Variants in IGFL3 observed in about 807,000 individuals in gnomAD.
IGFL3 encodes the protein insulin growth factor-like family member 3.
Under a neutral mutation model 17.0 loss-of-function variants are expected in IGFL3, and 12 were observed. The observed-to-expected ratio is 0.71, with a 90% CI of 0.45 to 1.14. The LOEUF is 1.14. IGFL3 is among the 50% of genes most tolerant of loss of function. The pLI, the probability that IGFL3 is intolerant of heterozygous loss-of-function variation, is 0.00. For missense variants in IGFL3, 153 were observed against 151.6 expected (o/e 1.01, Z -0.05); for synonymous variants, 52 against 57.4 (o/e 0.91, Z 0.42).
At chr19:46,124,362 T>C (rs1002694365) in intron 1 of IGFL3, 41 bp from the exon 2 acceptor site, 4 of 1,567,808 alleles carry the variant, frequency 2.6e-6, no homozygotes, top group African/African-American at 1.4e-5. Flanking sequence ...GAGCTGAGAA[T>C]GTGACAAGTA....
Position 46,124,288 on chromosome 19 carries a change from TGGA to T in IGFL3, c.56_58del (p.Leu19del), listed in dbSNP as rs759072036. The T allele has an allele frequency of 4.2e-5, 67 of 1,610,832 alleles. 6 individuals carry two copies. The African/African-American group carries it at 8.3e-4, about 20-fold the overall frequency. On this transcript the variant is annotated inframe_deletion, in exon 2 of 4. Coordinates refer to ENST00000341415, the MANE Select transcript of IGFL3 (RefSeq NM_207393.2). ...CTTACCTGTAGTTCCTTTTGAACAC[TGGA>T]GGAGGAAGACTGTTATCCAGCAGAC...
At position 46,124,332 on chromosome 19, in the gene IGFL3, A is replaced by G. The variant is rs767707719; in HGVS notation, c.26-11T>C. On this transcript the variant is annotated splice_polypyrimidine_tract_variant and intron_variant, in intron 1 of 3. Coordinates refer to ENST00000341415, the MANE Select transcript of IGFL3 (RefSeq NM_207393.2). ...TCCAGCAGACAAGAGCTAAGGGAGA[A>G]AGGAAAAAGGTTGAACATGGAGCTG... 3 of 1,606,638 alleles carry G rather than the reference A, an allele frequency of 1.9e-6. No individual in the cohort carries two copies. The Admixed American group carries it at 5.0e-5, about 27-fold the overall frequency.
At chr19:46,124,507 TAGTA>T in intron 1 of IGFL3, 114 bp downstream of exon 1, 1 of 1,190,084 alleles carries the variant, frequency 8.4e-7, no homozygotes. Flanking sequence ...TTGAGGTGAC[TAGTA>T]GGGCACAGGA....
chr19:46,120,897 A>C (rs1299565946), intron 3 of IGFL3, among the ~76,000 whole-genome samples: 1 of 151,040 alleles, frequency 6.6e-6, no homozygotes, highest in Non-Finnish European at 1.5e-5. Context: ...CATTGAATTC[A>C]TCAGTCATGC....
rs1971935348 is a variant in IGFL3, at chr19:46,123,971, G to A, written c.265C>T (p.Pro89Ser). Residue 89 changes from proline (P) to serine (S), a missense_variant, in exon 3 of 4, where the codon CCC (proline) becomes TCC (serine). Transcript: ENST00000341415. ...FELCCPESFG[P>S]QQKFLVKLRV... The stretch of plus-strand genomic sequence containing the variant: ...AACTTCACAAGAAACTTCTGCTGGG[G>A]GCCAAAAGACTCGGGACAGCAGAGC... The A allele has an allele frequency of 1.2e-6, 2 of 1,611,390 alleles. 1 individual carries two copies. Among genetic ancestry groups the A allele is most frequent in the Admixed American group, 3.4e-5 (2 of 59,668 alleles).
At chr19:46,124,517 C>G (rs960790145) in intron 1 of IGFL3, 108 bp downstream of exon 1, 2 of 1,243,840 alleles carry the variant, frequency 1.6e-6, no homozygotes, top group Admixed American at 1.7e-5. Flanking sequence ...TAGTAGGGCA[C>G]AGGAGGCTGG....
intron 1 of IGFL3, 118 bp from the exon 2 acceptor site, chr19:46,124,439 G>T: frequency 8.0e-7 from 1 of 1,253,652 alleles, no homozygotes; most frequent in Non-Finnish European, 1.2e-6. Context: ...ATCACTTGGG[G>T]CTAAGTCTGT....
At position 46,124,192 on chromosome 19, in the gene IGFL3, G is replaced by T. The variant is rs374493388; in HGVS notation, c.80-36C>A. The T allele has an allele frequency of 4.7e-5, 75 of 1,609,808 alleles. 5 individuals carry two copies. The Admixed American group carries it at 1.3e-3, about 27-fold the overall frequency. The stretch of plus-strand genomic sequence containing the variant: ...ACATTGATGGTGTACATCCAAGGAA[G>T]AACAGATACTCAATTCCCAGTCTCT... On this transcript the variant is annotated intron_variant, in intron 2 of 3. Transcript: ENST00000341415.
intron 3 of IGFL3, among the ~76,000 whole-genome samples, chr19:46,122,296 A>G (rs1202899610): frequency 6.6e-6 from 1 of 151,032 alleles, no homozygotes; most frequent in Non-Finnish European, 1.5e-5. Flanking sequence ...AACTATCTTA[A>G]AAAGAAACTT....
intron 3 of IGFL3, among the ~76,000 whole-genome samples, chr19:46,122,332 CA>C (rs1250683142): frequency 6.6e-6 from 1 of 150,920 alleles, no homozygotes; most frequent in Non-Finnish European, 1.5e-5. Flanking sequence ...ATATTTAGGA[CA>C]AATACTAAAT....
In IGFL3 at chr19:46,120,341, G is replaced by A. The variant is rs1971688066; in HGVS notation, c.367C>T (p.Leu123=). 1 of 1,611,050 alleles carries A rather than the reference G, an allele frequency of 6.2e-7. No homozygotes were observed. The highest frequency in any genetic ancestry group is 1.4e-5 in the African/African-American group (1 of 73,760). Residue 123 remains leucine, a synonymous_variant, in exon 4 of 4, where the codon CTG becomes TTG. Transcript: ENST00000341415. The part of the protein sequence containing the change: ...RSCTRNRRHV[L]YP ...GGAGCCTGGGGTTTTTATGGGTACA[G>A]GACGTGCCTCCTGTTCCTATCACAG...
chr19:46,120,351 C>T lies in IGFL3; in HGVS notation c.357G>A (p.Arg119=), dbSNP rs1971689106. 1 of 1,611,144 alleles carries T rather than the reference C, an allele frequency of 6.2e-7. No individual in the cohort carries two copies. The highest frequency in any genetic ancestry group is 1.1e-5 in the South Asian group (1 of 90,862). The change falls in exon 4 of 4, where the codon AGG becomes AGA. Residue 119 remains arginine (R), a synonymous_variant. Coordinates refer to ENST00000341415, the MANE Select transcript of IGFL3 (RefSeq NM_207393.2). ...SPISRSCTRN[R]RHVLYP ...GTTTTTATGGGTACAGGACGTGCCT[C>T]CTGTTCCTATCACAGTGCCCCAAAT... is the stretch of plus-strand genomic sequence containing the variant.
rs1364284332 is a variant in IGFL3 at position 46,124,258 on chromosome 19, C to G, written c.79+10G>C. ...TCTTCCCTCCTCATTTTTCCCTGTC[C>G]TGTCCTTACCTGTAGTTCCTTTTGA... On this transcript the variant is annotated intron_variant, in intron 2 of 3. Coordinates refer to ENST00000341415, the MANE Select transcript of IGFL3 (RefSeq NM_207393.2). 2 of 1,610,216 alleles carry G rather than the reference C, an allele frequency of 1.2e-6. No homozygotes were observed. The highest frequency in any genetic ancestry group is 2.3e-5 in the East Asian group (1 of 44,424).
At chr19:46,124,232 C>T (rs1971959184) in intron 2 of IGFL3, 36 bp downstream of exon 2, 1 of 1,608,960 alleles carries the variant, frequency 6.2e-7, no homozygotes, top group South Asian at 1.1e-5. Context: ...CCAACACCAC[C>T]TCTTCCCTCC....
At chr19:46,122,724 G>T (rs757337942) in intron 3 of IGFL3, among the ~76,000 whole-genome samples, 1 of 150,862 alleles carries the variant, frequency 6.6e-6, no homozygotes. Flanking sequence ...AACTGCAATG[G>T]TTTACATACA....
At chr19:46,124,199 T>A (rs1180819351) in intron 2 of IGFL3, 43 bp from the exon 3 acceptor site, 1 of 1,609,794 alleles carries the variant, frequency 6.2e-7, no homozygotes. Context: ...GAAGAACAGA[T>A]ACTCAATTCC....
In IGFL3 at chr19:46,120,342, G is replaced by T. The variant is rs916251464; in HGVS notation, c.366C>A (p.Val122=). The T allele has an allele frequency of 3.7e-6, 6 of 1,611,076 alleles. No homozygotes were observed. The Admixed American group carries it at 8.4e-5, about 23-fold the overall frequency. The change falls in exon 4 of 4, where the codon GTC becomes GTA. Residue 122 remains valine (V), a synonymous_variant. Transcript: ENST00000341415. ...GAGCCTGGGGTTTTTATGGGTACAG[G>T]ACGTGCCTCCTGTTCCTATCACAGT... ...SRSCTRNRRH[V]LYP
intron 3 of IGFL3, among the ~76,000 whole-genome samples, chr19:46,120,967 T>C (rs1971729806): frequency 6.6e-6 from 1 of 150,788 alleles, no homozygotes; most frequent in Non-Finnish European, 1.5e-5. Flanking sequence ...AAAAATAAAC[T>C]TAAGAAGCCT....
chr19:46,124,449 T>C, intron 1 of IGFL3, 128 bp from the exon 2 acceptor site: 1 of 1,190,170 alleles, frequency 8.4e-7, no homozygotes, highest in Non-Finnish European at 1.2e-6. Flanking sequence ...GCTAAGTCTG[T>C]ATGGGATCCC....
Sources: gnomAD v4.1 joint callset for allele counts (sites outside exome capture counted in the v4.1 genomes callset) on GRCh38, gnomAD v4.1.1 for gene constraint, MANE v1.5 for transcripts, NCBI Gene and HGNC (gene_info 2026-07-23, HGNC 2026-07-21) for gene names.